Variants in BCL2L13 observed in about 807,000 individuals in gnomAD.
BCL2L13 encodes the protein BCL2 like 13.
Under a neutral mutation model 25.8 loss-of-function variants are expected in BCL2L13, and 13 were observed. The observed-to-expected ratio is 0.50, with a 90% CI of 0.33 to 0.80. The LOEUF (loss-of-function observed/expected upper bound fraction) is 0.80, where lower values mean the gene tolerates loss of function less well. BCL2L13 is among the 30% of genes least tolerant of loss of function. The pLI, the probability that BCL2L13 is intolerant of heterozygous loss-of-function variation, is 0.02. For synonymous variants in BCL2L13, 244 were observed against 230.3 expected (o/e 1.06, Z -0.54); for missense variants, 504 against 574.9 (o/e 0.88, Z 1.26).
At chr22:17,702,504 C>A in intron 6 of BCL2L13, 118 bp downstream of exon 6, 2 of 991,156 alleles carry the variant, frequency 2.0e-6, no homozygotes, top group Non-Finnish European at 2.8e-6. Flanking sequence ...TAATTGCTGG[C>A]ACTATCATGG....
chr22:17,675,018 G>A (rs1314276314), intron 2 of BCL2L13, among the ~76,000 whole-genome samples: 2 of 152,022 alleles, frequency 1.3e-5, no homozygotes, highest in Non-Finnish European at 2.9e-5. Context: ...TTATACTAGT[G>A]CTGAGCTGTG....
intron 1 of BCL2L13, among the ~76,000 whole-genome samples, chr22:17,641,901 G>A (rs2058301739): frequency 2.0e-5 from 3 of 149,312 alleles, no homozygotes; most frequent in African/African-American, 7.4e-5. Context: ...CCGGGTTGAC[G>A]CCATTCTCTT....
intron 5 of BCL2L13, 108 bp downstream of exon 5, chr22:17,696,318 A>G: frequency 1.1e-6 from 1 of 917,500 alleles, no homozygotes; most frequent in South Asian, 1.4e-5. Context: ...CTCATTCTTT[A>G]ATGCACAAAT....
intron 6 of BCL2L13, among the ~76,000 whole-genome samples, chr22:17,724,083 G>A (rs545680584): frequency 3.9e-5 from 6 of 151,996 alleles, no homozygotes; most frequent in Non-Finnish European, 8.8e-5. Flanking sequence ...GACCAGCCTG[G>A]GCAACATAGA....
upstream of BCL2L13, among the ~76,000 whole-genome samples, chr22:17,637,743 C>G (rs1471998239): frequency 6.6e-6 from 1 of 152,120 alleles, no homozygotes; most frequent in African/African-American, 2.4e-5. Flanking sequence ...CTATTAATGG[C>G]ACCATCCTTT....
upstream of BCL2L13, among the ~76,000 whole-genome samples, chr22:17,634,070 C>T (rs1346776256): frequency 6.6e-6 from 1 of 152,092 alleles, no homozygotes; most frequent in African/African-American, 2.4e-5. Context: ...ACTTGTTTTT[C>T]ATCCTTTAGG....
intron 2 of BCL2L13, among the ~76,000 whole-genome samples, chr22:17,672,858 T>C (rs1291947985): frequency 6.6e-6 from 1 of 152,130 alleles, no homozygotes; most frequent in Non-Finnish European, 1.5e-5. Flanking sequence ...GGTGGTGGTA[T>C]TGATGGTGGT....
intron 2 of BCL2L13, 71 bp downstream of exon 2, chr22:17,655,903 T>C: frequency 2.1e-6 from 3 of 1,398,258 alleles, no homozygotes; most frequent in South Asian, 2.8e-5. Context: ...TATATGTATC[T>C]AATTTATATG....
At chr22:17,649,969 T>C (rs1374064784) in intron 1 of BCL2L13, among the ~76,000 whole-genome samples, 1 of 146,116 alleles carries the variant, frequency 6.8e-6, no homozygotes, top group Non-Finnish European at 1.5e-5. Flanking sequence ...CTCCCTGCTC[T>C]GAGCGATTCT....
chr22:17,664,686 C>T (rs1244634318), intron 2 of BCL2L13, among the ~76,000 whole-genome samples: 2 of 152,252 alleles, frequency 1.3e-5, no homozygotes, highest in African/African-American at 4.8e-5. Flanking sequence ...CATACATCTT[C>T]TGAAATCTAG....
At chr22:17,697,497 T>TGTTATAGGAAGCTCTCTGA (rs2060299577) in intron 5 of BCL2L13, among the ~76,000 whole-genome samples, 2 of 152,186 alleles carry the variant, frequency 1.3e-5, no homozygotes, top group Non-Finnish European at 2.9e-5. Flanking sequence ...TGTGCAGGTT[T>TGTTATAGGAAGCTCTCTGA]GTTATAGGAA....
chr22:17,707,571 A>G (rs1284979744), intron 6 of BCL2L13, among the ~76,000 whole-genome samples: 1 of 152,222 alleles, frequency 6.6e-6, no homozygotes, highest in East Asian at 1.9e-4. Flanking sequence ...AGATTGTCAG[A>G]ATCGTTCTAA....
intron 6 of BCL2L13, among the ~76,000 whole-genome samples, chr22:17,712,279 T>G (rs113585690): frequency 7.9e-4 from 121 of 152,324 alleles, no homozygotes; most frequent in African/African-American, 2.7e-3. Flanking sequence ...GTTGATAGTT[T>G]CAATAATGAA....
chr22:17,660,635 G>A (rs905420810), intron 2 of BCL2L13, among the ~76,000 whole-genome samples: 1 of 145,970 alleles, frequency 6.9e-6, no homozygotes, highest in African/African-American at 2.4e-5. Context: ...ACATTGGCCA[G>A]GCTGGTCTTG....
intron 4 of BCL2L13, among the ~76,000 whole-genome samples, chr22:17,691,089 C>A (rs893882109): frequency 6.6e-6 from 1 of 151,948 alleles, no homozygotes; most frequent in African/African-American, 2.4e-5. Context: ...AGTCTTATAA[C>A]TCCTGGCCTC....
intron 1 of BCL2L13, among the ~76,000 whole-genome samples, chr22:17,642,132 T>C (rs1377400559): frequency 4.9e-4 from 56 of 114,742 alleles, no homozygotes; most frequent in South Asian, 2.8e-3. Context: ...CTTCTCTCTT[T>C]TTTTTTTTTT....
intron 6 of BCL2L13, chr22:17,703,186 CACAT>C: frequency 6.6e-6 from 1 of 151,962 alleles, no homozygotes; most frequent in South Asian, 2.1e-4. Context: ...CACACACACA[CACAT>C]ATGTATATGT....
chr22:17,673,975 G>A (rs927678434), intron 2 of BCL2L13, among the ~76,000 whole-genome samples: 9 of 152,064 alleles, frequency 5.9e-5, no homozygotes, highest in African/African-American at 1.9e-4. Flanking sequence ...TCAAGTATTT[G>A]AATATTTTTT....
At chr22:17,685,916 G>A (rs1405034696) in intron 3 of BCL2L13, among the ~76,000 whole-genome samples, 1 of 150,428 alleles carries the variant, frequency 6.6e-6, no homozygotes, top group East Asian at 2.0e-4. Context: ...GAGCTACAGT[G>A]CCCACCACCA....
Sources: allele counts gnomAD v4.1 joint callset (sites outside exome capture counted in the v4.1 genomes callset), GRCh38; gene constraint gnomAD v4.1.1; transcripts MANE v1.5; gene names NCBI Gene and HGNC (gene_info 2026-07-23, HGNC 2026-07-21).